Variants in FBXO4 observed in about 807,000 individuals in gnomAD.
The protein encoded by FBXO4 is F-box only protein 4.
FBXO4 carries 36 observed loss-of-function variants against 43.7 expected under a neutral mutation model. That is an observed-to-expected ratio of 0.82 (90% CI 0.63 to 1.09). FBXO4 has a LOEUF of 1.09. Ranked by LOEUF, FBXO4 falls within the 50% of genes least tolerant of loss-of-function variation. The pLI, the probability that FBXO4 is intolerant of heterozygous loss-of-function variation, is 0.00. For missense variants in FBXO4, 435 were observed against 474.1 expected (o/e 0.92, Z 0.77); for synonymous variants, 180 against 165.6 (o/e 1.09, Z -0.67).
rs1752000027 is a variant in FBXO4 at position 41,941,314 on chromosome 5, T to G, written c.*33T>G. The G allele has an allele frequency of 6.4e-7, 1 of 1,569,270 alleles. No homozygotes were observed. Among genetic ancestry groups the G allele is most frequent in the African/African-American group, 1.4e-5 (1 of 74,038 alleles). On this transcript the variant is annotated 3_prime_UTR_variant, in exon 7 of 7. Transcript: ENST00000281623. ...TTCAGATCTTGGGAACTGAAACCAT[T>G]TGAAATTTATTACTAAGGTCGTGAT...
At chr5:42,026,239 A>G in the FBXO4 span, among the ~76,000 whole-genome samples, 1 of 151,734 alleles carries the variant, frequency 6.6e-6, no homozygotes, top group African/African-American at 2.4e-5. Flanking sequence ...AGTTTGCCTT[A>G]TAGAGATCTT....
At chr5:42,036,227 A>AT in the FBXO4 span, among the ~76,000 whole-genome samples, 1,587 of 147,122 alleles carry the variant, frequency 0.011, 6 homozygotes, top group Middle Eastern at 0.024. Flanking sequence ...TCTTCTCTTC[A>AT]TTTTTTTTTT....
chr5:42,010,199 C>T, the FBXO4 span, among the ~76,000 whole-genome samples: 1 of 152,134 alleles, frequency 6.6e-6, no homozygotes, highest in Non-Finnish European at 1.5e-5. Flanking sequence ...TGTAGCATGT[C>T]AGAATTTTCT....
the FBXO4 span, among the ~76,000 whole-genome samples, chr5:42,039,306 G>A: frequency 1.3e-5 from 2 of 152,016 alleles, no homozygotes; most frequent in Non-Finnish European, 2.9e-5. Context: ...GAGACTTCAT[G>A]AAAATGTTAA....
chr5:41,947,901 T>C, the FBXO4 span, among the ~76,000 whole-genome samples: 1 of 152,120 alleles, frequency 6.6e-6, no homozygotes, highest in Non-Finnish European at 1.5e-5. Flanking sequence ...AACATAAGTG[T>C]TGACTCACCC....
At chr5:42,031,056 C>T in the FBXO4 span, among the ~76,000 whole-genome samples, 2,432 of 152,254 alleles carry the variant, frequency 0.016, 118 homozygotes, top group East Asian at 0.1. Context: ...GTGGCAATTC[C>T]TCAGGGATCT....
the FBXO4 span, among the ~76,000 whole-genome samples, chr5:41,960,469 C>T: frequency 9.3e-4 from 141 of 152,084 alleles, 1 homozygote; most frequent in African/African-American, 2.9e-3. Flanking sequence ...CCATTGAGTA[C>T]GATATTAGCT....
chr5:41,956,803 C>A, the FBXO4 span, among the ~76,000 whole-genome samples: 1 of 150,754 alleles, frequency 6.6e-6, no homozygotes, highest in Non-Finnish European at 1.5e-5. Context: ...ACTTCCACCT[C>A]TCTGGTCCAA....
chr5:41,965,559 T>G, the FBXO4 span, among the ~76,000 whole-genome samples: 1 of 152,152 alleles, frequency 6.6e-6, no homozygotes, highest in African/African-American at 2.4e-5. Context: ...TTTTATTTCA[T>G]GAAAAAATGC....
chr5:41,950,840 A>G, the FBXO4 span, among the ~76,000 whole-genome samples: 2 of 152,268 alleles, frequency 1.3e-5, no homozygotes, highest in Non-Finnish European at 2.9e-5. Context: ...AGAATGGATA[A>G]ATAAAATGTG....
At chr5:41,980,181 G>C in the FBXO4 span, among the ~76,000 whole-genome samples, 1 of 152,114 alleles carries the variant, frequency 6.6e-6, no homozygotes, top group Non-Finnish European at 1.5e-5. Flanking sequence ...TGGCGGGTAT[G>C]TGTTAAATAA....
chr5:41,973,898 C>T, the FBXO4 span, among the ~76,000 whole-genome samples: 37 of 152,232 alleles, frequency 2.4e-4, no homozygotes, highest in African/African-American at 8.2e-4. Context: ...TTTTCTTTAA[C>T]ATTTATATAG....
downstream of FBXO4, among the ~76,000 whole-genome samples, chr5:41,943,262 A>C (rs1233948018): frequency 1.3e-5 from 2 of 152,162 alleles, no homozygotes; most frequent in Admixed American, 1.3e-4. Context: ...GGTTCACTAA[A>C]TTCTCATCAG....
the FBXO4 span, among the ~76,000 whole-genome samples, chr5:41,947,726 T>C: frequency 6.6e-6 from 1 of 152,186 alleles, no homozygotes; most frequent in Non-Finnish European, 1.5e-5. Flanking sequence ...GGTAGTCATA[T>C]GTAGGCTGTG....
the FBXO4 span, among the ~76,000 whole-genome samples, chr5:42,022,440 T>C: frequency 6.6e-6 from 1 of 152,126 alleles, no homozygotes; most frequent in African/African-American, 2.4e-5. Flanking sequence ...ATTCTGCTTG[T>C]ATTAAATAGC....
the FBXO4 span, among the ~76,000 whole-genome samples, chr5:41,947,370 C>A: frequency 6.6e-6 from 1 of 152,098 alleles, no homozygotes; most frequent in Non-Finnish European, 1.5e-5. Context: ...GAGAAATATA[C>A]CAGTATCCAA....
At chr5:41,945,340 A>C (rs1242999705), downstream of FBXO4, among the ~76,000 whole-genome samples, 1 of 152,252 alleles carries the variant, frequency 6.6e-6, no homozygotes, top group African/African-American at 2.4e-5. Context: ...AATAATGAAT[A>C]AATGGCTAAA....
chr5:41,970,460 T>C, the FBXO4 span, among the ~76,000 whole-genome samples: 3 of 152,072 alleles, frequency 2.0e-5, no homozygotes, highest in East Asian at 1.9e-4. Flanking sequence ...CAAGAAATTA[T>C]AGAAAATGTA....
At chr5:41,980,513 T>A in the FBXO4 span, among the ~76,000 whole-genome samples, 1 of 152,090 alleles carries the variant, frequency 6.6e-6, no homozygotes, top group African/African-American at 2.4e-5. Flanking sequence ...ATAAAACACA[T>A]CCTTATGATA....
Sources: allele counts gnomAD v4.1 joint callset (sites outside exome capture counted in the v4.1 genomes callset), GRCh38; gene constraint gnomAD v4.1.1; transcripts MANE v1.5; gene names NCBI Gene and HGNC (gene_info 2026-07-23, HGNC 2026-07-21).